The following RHOBTB2 variants were observed in gnomAD, a reference collection of about 807,000 sequenced individuals.
The protein encoded by RHOBTB2 is rho-related BTB domain-containing protein 2.
In RHOBTB2, 39 loss-of-function variants were observed where a neutral mutation model predicts 66.5. The ratio of observed to expected loss-of-function variants is 0.59; its 90% CI spans 0.45 to 0.77. The LOEUF (loss-of-function observed/expected upper bound fraction) is 0.77, where lower values mean the gene tolerates loss of function less well. Ranked by LOEUF, RHOBTB2 falls within the 30% of genes least tolerant of loss-of-function variation. The pLI, the probability that RHOBTB2 is intolerant of heterozygous loss-of-function variation, is 0.00. For missense variants in RHOBTB2, 755 were observed against 999.1 expected (o/e 0.76, Z 3.29); for synonymous variants, 390 against 395.0 (o/e 0.99, Z 0.15).
the RHOBTB2 span, among the ~76,000 whole-genome samples, chr8:22,979,773 C>A: frequency 4.1e-5 from 4 of 97,282 alleles, no homozygotes; most frequent in South Asian, 1.3e-3. Context: ...CAGAGTGAGA[C>A]TCTGTGACAG....
chr8:22,999,535 C>A (rs1348341240), upstream of RHOBTB2: 2 of 1,136,138 alleles, frequency 1.8e-6, no homozygotes, highest in Non-Finnish European at 1.1e-6. Flanking sequence ...ACCAACTGCG[C>A]GCGGCAGTGG....
intron 3 of RHOBTB2, among the ~76,000 whole-genome samples, 199 bp from the exon 4 acceptor site, chr8:23,005,761 G>A (rs1810929538): frequency 6.6e-6 from 1 of 152,162 alleles, no homozygotes; most frequent in Non-Finnish European, 1.5e-5. Flanking sequence ...CAAAATAGCT[G>A]TGAGGCCAAA....
At chr8:23,007,848 C>T (rs1325638027) in intron 5 of RHOBTB2, 102 bp downstream of exon 5, 33 of 1,519,802 alleles carry the variant, frequency 2.2e-5, no homozygotes, top group Non-Finnish European at 2.8e-5. Flanking sequence ...CTGCCATGCT[C>T]TTGAAGCCTG....
the RHOBTB2 span, among the ~76,000 whole-genome samples, chr8:22,955,080 G>A: frequency 7.9e-3 from 1,199 of 152,212 alleles, 13 homozygotes; most frequent in African/African-American, 0.025. Context: ...GCAATAAGCC[G>A]AGATTGCACC....
At position 22,999,968 on chromosome 8, in the gene RHOBTB2, C is replaced by CCAGCAG. The variant is rs1810721155; in HGVS notation, c.-143_-138dup. On this transcript the variant is annotated 5_prime_UTR_variant, in exon 1 of 10. Coordinates refer to ENST00000251822, the MANE Select transcript of RHOBTB2 (RefSeq NM_015178.3). Reference sequence around the variant, plus strand: ...CGCGAGCTGGCCGGGAGGCTGGAGCCCAGCAGCAGCGCGGCGGCGCCGGCG... The same window carrying CCAGCAG: ...CGCGAGCTGGCCGGGAGGCTGGAGCCCAGCAGCAGCAGCAGCGCGGCGGCGCCGGCG... 8.1e-6 allele frequency: 8 copies of CCAGCAG among 985,436 alleles called. No homozygotes were observed. The highest frequency in any genetic ancestry group is 9.6e-6 in the Non-Finnish European group (8 of 830,014). 61.0% of individuals were successfully genotyped at this position (985,436 alleles called of 1,614,324 possible). A position where few individuals can be genotyped will look rare whatever the true frequency, so the allele number is the denominator to read the frequency against.
rs1811313317 is a variant in RHOBTB2 at position 23,017,103 on chromosome 8, C to T, written c.1967-149C>T. The T allele has an allele frequency of 1.4e-5, 14 of 1,002,046 alleles. No homozygotes were observed. The highest frequency in any genetic ancestry group is 7.7e-5 in the South Asian group (5 of 65,030). 62.1% of individuals were successfully genotyped at this position (1,002,046 alleles called of 1,614,324 possible). A position where few individuals can be genotyped will look rare whatever the true frequency, so the allele number is the denominator to read the frequency against. On this transcript the variant is annotated intron_variant, in intron 9 of 9. Coordinates refer to ENST00000251822, the MANE Select transcript of RHOBTB2 (RefSeq NM_015178.3). The surrounding 1 kb of genome is among the most constrained non-coding windows in gnomAD (Gnocchi z 5.3). ...TGCTCTTTGGGAACTTTGCTTGCCTCGGAGGCTCATGTGCCGTGGGTCATG... is the reference window on the plus strand; with the variant it reads ...TGCTCTTTGGGAACTTTGCTTGCCTTGGAGGCTCATGTGCCGTGGGTCATG...
chr8:23,012,714 G>A (rs939298076), intron 7 of RHOBTB2, among the ~76,000 whole-genome samples: 1 of 152,102 alleles, frequency 6.6e-6, no homozygotes, highest in Admixed American at 6.5e-5. Flanking sequence ...AAATTCCTGG[G>A]CTCAAGCGAT....
upstream of RHOBTB2, among the ~76,000 whole-genome samples, chr8:22,995,101 A>AAG: frequency 6.6e-6 from 1 of 152,166 alleles, no homozygotes; most frequent in East Asian, 1.9e-4. Flanking sequence ...ATCTTTTTTA[A>AAG]AAATTTTTTT....
chr8:22,997,806 C>A (rs1810617280), upstream of RHOBTB2, among the ~76,000 whole-genome samples: 1 of 152,090 alleles, frequency 6.6e-6, no homozygotes, highest in Non-Finnish European at 1.5e-5. Context: ...TGGGAGAGAC[C>A]CTGGCCTGCC....
At chr8:22,962,409 C>G in the RHOBTB2 span, among the ~76,000 whole-genome samples, 2 of 152,006 alleles carry the variant, frequency 1.3e-5, no homozygotes, top group Admixed American at 1.3e-4. Context: ...TCTTAGTTGC[C>G]TGGCAGCTCA....
At chr8:22,986,265 C>CT (rs33995780), upstream of RHOBTB2, among the ~76,000 whole-genome samples, 4,171 of 84,954 alleles carry the variant, frequency 0.049, 288 homozygotes, top group Non-Finnish European at 0.071. Context: ...CAGTGCATTG[C>CT]TTTTTTTTTT....
upstream of RHOBTB2, among the ~76,000 whole-genome samples, chr8:22,983,415 C>G (rs1810243035): frequency 6.7e-6 from 1 of 149,900 alleles, no homozygotes; most frequent in Middle Eastern, 3.2e-3. Flanking sequence ...CTTTGGGAAG[C>G]TGAGGCAGGA....
chr8:22,990,354 C>A (rs1288528748), intron 1 of RHOBTB2, among the ~76,000 whole-genome samples: 4 of 152,194 alleles, frequency 2.6e-5, no homozygotes, highest in Non-Finnish European at 4.4e-5. Context: ...GCCCTCCACA[C>A]CCCCAGCACC....
At chr8:23,014,133 A>G (rs761041212) in intron 7 of RHOBTB2, among the ~76,000 whole-genome samples, 15 of 152,200 alleles carry the variant, frequency 9.9e-5, no homozygotes, top group Non-Finnish European at 1.8e-4. Flanking sequence ...AAATATATTG[A>G]TCTTTTTAAA....
intron 3 of RHOBTB2, 78 bp downstream of exon 3, chr8:23,005,553 C>G: frequency 1.0e-6 from 1 of 990,574 alleles, no homozygotes; most frequent in Non-Finnish European, 1.6e-6. Flanking sequence ...CAAAGCACCT[C>G]TGTGAAATTT....
chr8:22,957,278 G>A, the RHOBTB2 span, among the ~76,000 whole-genome samples: 6 of 152,148 alleles, frequency 3.9e-5, no homozygotes, highest in African/African-American at 1.4e-4. Flanking sequence ...TTAAGGTGGT[G>A]TCTTCCAGGA....
upstream of RHOBTB2, among the ~76,000 whole-genome samples, chr8:22,995,226 C>T (rs955436171): frequency 1.3e-5 from 2 of 152,164 alleles, no homozygotes; most frequent in African/African-American, 4.8e-5. Flanking sequence ...AGCCACCACA[C>T]CCGGCCTGAA....
At chr8:22,961,756 G>T in the RHOBTB2 span, among the ~76,000 whole-genome samples, 1 of 152,088 alleles carries the variant, frequency 6.6e-6, no homozygotes, top group African/African-American at 2.4e-5. Flanking sequence ...CAAAAATTCT[G>T]TAAGTTATTT....
At chr8:22,984,317 A>C (rs1810257016), upstream of RHOBTB2, among the ~76,000 whole-genome samples, 1 of 152,226 alleles carries the variant, frequency 6.6e-6, no homozygotes, top group Non-Finnish European at 1.5e-5. Context: ...GCTCTGTTGG[A>C]GAGGTCGGAG....
Sources: allele counts gnomAD v4.1 joint callset (sites outside exome capture counted in the v4.1 genomes callset), GRCh38; gene constraint gnomAD v4.1.1; non-coding constraint Gnocchi (gnomAD v3.1); transcripts MANE v1.5; gene names NCBI Gene and HGNC (gene_info 2026-07-23, HGNC 2026-07-21).